WDR47: variants seen among roughly 807,000 people sequenced by gnomAD.
WDR47 encodes WD repeat-containing protein 47.
A neutral mutation model predicts 97.2 loss-of-function variants in WDR47; 32 were observed. That is an observed-to-expected ratio of 0.33 (90% CI 0.25 to 0.44). WDR47 has a LOEUF of 0.44. Ranked by LOEUF, WDR47 falls within the 20% of genes least tolerant of loss-of-function variation. WDR47 has a pLI of 1.00. For missense variants in WDR47, 782 were observed against 1,102.3 expected, an observed-to-expected ratio of 0.71 and a Z score of 4.11; for synonymous variants, 375 against 373.5, an observed-to-expected ratio of 1.00 and a Z score of -0.05.
At chr1:109,009,723 C>A (rs961694014) in intron 5 of WDR47, among the ~76,000 whole-genome samples, 1 of 152,016 alleles carries the variant, frequency 6.6e-6, no homozygotes, top group Non-Finnish European at 1.5e-5. Context: ...TATAGCCAGG[C>A]GCAATGGCTC....
intron 9 of WDR47, among the ~76,000 whole-genome samples, chr1:108,989,375 C>A (rs1251159385): frequency 6.6e-6 from 1 of 152,252 alleles, no homozygotes; most frequent in Non-Finnish European, 1.5e-5. Context: ...CTCTCTCTAC[C>A]TAAGCCTTTA....
intron 14 of WDR47, among the ~76,000 whole-genome samples, chr1:108,972,949 A>G (rs1220194417): frequency 9.5e-5 from 5 of 52,674 alleles, no homozygotes; most frequent in Non-Finnish European, 1.9e-4. Context: ...CTGTCTCAGA[A>G]AAAAAAAAAA....
At chr1:108,989,825 G>C (rs1659178399) in intron 9 of WDR47, among the ~76,000 whole-genome samples, 1 of 151,980 alleles carries the variant, frequency 6.6e-6, no homozygotes, top group Non-Finnish European at 1.5e-5. Flanking sequence ...CTCCCAAGTA[G>C]CTGGGATTAC....
intron 13 of WDR47, among the ~76,000 whole-genome samples, chr1:108,980,952 C>A (rs2101809983): frequency 6.6e-6 from 1 of 151,678 alleles, no homozygotes; most frequent in African/African-American, 2.4e-5. Flanking sequence ...ATGGTGAAAC[C>A]CCGTCTCTAC....
At chr1:108,991,570 T>A (rs1483245071) in intron 8 of WDR47, among the ~76,000 whole-genome samples, 1 of 152,116 alleles carries the variant, frequency 6.6e-6, no homozygotes, top group East Asian at 1.9e-4. Context: ...TATTTTATAG[T>A]GAGATGTCAA....
chr1:108,979,439 T>C (rs916723153), intron 13 of WDR47, among the ~76,000 whole-genome samples: 7 of 152,228 alleles, frequency 4.6e-5, no homozygotes, highest in Middle Eastern at 3.4e-3. Context: ...GGCGGGAGGA[T>C]GGCTTGAACC....
intron 1 of WDR47, among the ~76,000 whole-genome samples, chr1:109,027,795 T>C (rs1007434125): frequency 2.0e-5 from 3 of 152,126 alleles, no homozygotes; most frequent in Non-Finnish European, 4.4e-5. Flanking sequence ...ATGCTGGGAT[T>C]ACAGGCATGA....
At chr1:109,009,686 T>C (rs571228401) in intron 5 of WDR47, among the ~76,000 whole-genome samples, 1 of 152,258 alleles carries the variant, frequency 6.6e-6, no homozygotes, top group South Asian at 2.1e-4. Flanking sequence ...CTATGTAATA[T>C]ATTCCCAGTT....
chr1:108,995,855 G>C lies in WDR47; in HGVS notation c.1434-18C>G, dbSNP rs1175518179. On this transcript the variant is annotated intron_variant, in intron 7 of 14. Coordinates refer to ENST00000369962, the MANE Select transcript of WDR47 (RefSeq NM_001142551.2). The stretch of plus-strand genomic sequence containing the variant: ...GAATGGACCTATAAAATTAAACAAT[G>C]TAATCATTTTAAAATAAAAACTTAA... The C allele has an allele frequency of 6.2e-7, 1 of 1,604,468 alleles. No homozygotes were observed.
At chr1:109,007,426 G>T (rs7522923) in intron 5 of WDR47, among the ~76,000 whole-genome samples, 3,719 of 152,124 alleles carry the variant, frequency 0.024, 135 homozygotes, top group African/African-American at 0.084. Flanking sequence ...CTCCCAAAGT[G>T]CTGGGATTAC....
chr1:109,001,476 C>G (rs1220252611), intron 7 of WDR47, among the ~76,000 whole-genome samples: 1 of 152,060 alleles, frequency 6.6e-6, no homozygotes, highest in African/African-American at 2.4e-5. Context: ...ACTTTAGTAA[C>G]AATAAAAATA....
intron 1 of WDR47, among the ~76,000 whole-genome samples, chr1:109,035,015 G>A (rs189553650): frequency 3.3e-5 from 5 of 151,958 alleles, no homozygotes; most frequent in Admixed American, 3.3e-4. Context: ...CAGCACTTGG[G>A]AGGCTGAGAT....
intron 4 of WDR47, 68 bp downstream of exon 4, chr1:109,013,773 T>G: frequency 2.6e-6 from 4 of 1,539,414 alleles, no homozygotes; most frequent in Non-Finnish European, 3.6e-6. Context: ...ATCCTTCGTT[T>G]TAGTGACTAA....
At chr1:109,016,276 G>A (rs952832291) in intron 3 of WDR47, among the ~76,000 whole-genome samples, 5 of 152,008 alleles carry the variant, frequency 3.3e-5, no homozygotes, top group East Asian at 1.9e-4. Flanking sequence ...GGTGGCACAC[G>A]CCTGCAGTCC....
chr1:109,027,996 T>C (rs1662329724), intron 1 of WDR47, among the ~76,000 whole-genome samples: 1 of 152,202 alleles, frequency 6.6e-6, no homozygotes, highest in Non-Finnish European at 1.5e-5. Context: ...TCTTCCCCTC[T>C]CCTCTGGGGG....
chr1:109,018,726 G>C (rs956754385), intron 2 of WDR47, among the ~76,000 whole-genome samples: 10 of 150,990 alleles, frequency 6.6e-5, no homozygotes, highest in African/African-American at 2.4e-4. Flanking sequence ...GAGGTGGGAG[G>C]ATCACTTGAG....
intron 5 of WDR47, among the ~76,000 whole-genome samples, chr1:109,010,278 T>A (rs545003717): frequency 3.9e-5 from 6 of 152,142 alleles, no homozygotes; most frequent in African/African-American, 1.4e-4. Context: ...TACACACTCC[T>A]GGGCATGGTG....
intron 1 of WDR47, among the ~76,000 whole-genome samples, chr1:109,029,885 A>G (rs990090931): frequency 2.7e-5 from 4 of 150,752 alleles, no homozygotes; most frequent in Middle Eastern, 3.2e-3. Flanking sequence ...CAAAAAAAAA[A>G]AAAGAAAGAA....
chr1:109,006,679 T>C (rs1363048504), intron 5 of WDR47, among the ~76,000 whole-genome samples: 3 of 152,186 alleles, frequency 2.0e-5, no homozygotes, highest in Non-Finnish European at 4.4e-5. Flanking sequence ...TTTCCTAAGA[T>C]TGCATAGCTA....
Sources: allele counts gnomAD v4.1 joint callset (sites outside exome capture counted in the v4.1 genomes callset), GRCh38; gene constraint gnomAD v4.1.1; transcripts MANE v1.5; gene names NCBI Gene and HGNC (gene_info 2026-07-23, HGNC 2026-07-21).